Variants in METTL15 observed in about 807,000 individuals in gnomAD.
The protein encoded by METTL15 is methyltransferase 15, mitochondrial 12S rRNA N4-cytidine, also known as 12S rRNA N(4)-cytidine methyltransferase METTL15.
METTL15 carries 34 observed loss-of-function variants against 38.3 expected under a neutral mutation model. The ratio of observed to expected loss-of-function variants is 0.89; its 90% CI spans 0.68 to 1.18. The LOEUF (loss-of-function observed/expected upper bound fraction) is 1.18. Among genes scored for constraint, METTL15 ranks in the 50% most tolerant of loss-of-function variants. The pLI, the probability that METTL15 is intolerant of heterozygous loss-of-function variation, is 0.00. For missense variants in METTL15, 438 were observed against 498.4 expected, an observed-to-expected ratio of 0.88 and a Z score of 1.15; for synonymous variants, 162 against 170.9, an observed-to-expected ratio of 0.95 and a Z score of 0.41.
chr11:28,474,428 A>G (rs1295078865), intron 6 of METTL15, among the ~76,000 whole-genome samples: 3 of 152,158 alleles, frequency 2.0e-5, no homozygotes, highest in Non-Finnish European at 2.9e-5. Flanking sequence ...TCAAAATGCT[A>G]TAGAAGTAAA....
At chr11:28,479,024 C>G (rs957110770) in intron 6 of METTL15, among the ~76,000 whole-genome samples, 1 of 150,216 alleles carries the variant, frequency 6.7e-6, no homozygotes, top group African/African-American at 2.5e-5. Context: ...TAAACTTGTA[C>G]TTTGAAAACT....
intron 6 of METTL15, among the ~76,000 whole-genome samples, chr11:28,318,368 T>C (rs1359484032): frequency 1.3e-5 from 2 of 151,112 alleles, no homozygotes; most frequent in East Asian, 3.9e-4. Context: ...TTTGATTTTA[T>C]ATATATATAT....
chr11:28,197,686 ACATATGTG>A (rs1372361601), intron 3 of METTL15: 1 of 278,878 alleles, frequency 3.6e-6, no homozygotes, highest in Admixed American at 4.1e-5. Context: ...TGCAATATGC[ACATATGTG>A]CATATATGTA....
intron 4 of METTL15, among the ~76,000 whole-genome samples, chr11:28,218,239 C>A (rs531305699): frequency 1.3e-4 from 20 of 152,036 alleles, no homozygotes; most frequent in African/African-American, 4.6e-4. Context: ...TTCCTTGAGC[C>A]GTGGTTTGTA....
chr11:28,238,473 G>T (rs894794056), intron 4 of METTL15, among the ~76,000 whole-genome samples: 1 of 152,148 alleles, frequency 6.6e-6, no homozygotes, highest in Admixed American at 6.5e-5. Context: ...CGCAGTATTC[G>T]GGTGGGAATG....
At chr11:28,273,197 A>C (rs1855713770) in intron 4 of METTL15, among the ~76,000 whole-genome samples, 1 of 152,166 alleles carries the variant, frequency 6.6e-6, no homozygotes, top group African/African-American at 2.4e-5. Flanking sequence ...GACACATAGA[A>C]GTATTCAGAA....
At chr11:28,526,756 A>G (rs1851815249) in exon 8 of METTL15, 1 of 152,230 alleles carries the variant, frequency 6.6e-6, no homozygotes, top group South Asian at 2.1e-4. Flanking sequence ...TATTTAAGCC[A>G]TTCGGTCTGT....
intron 6 of METTL15, among the ~76,000 whole-genome samples, chr11:28,478,986 A>AGGCG (rs1238346767): frequency 6.6e-6 from 1 of 152,008 alleles, no homozygotes; most frequent in Non-Finnish European, 1.5e-5. Context: ...TGTATTTGGC[A>AGGCG]GGCGTTCTTA....
chr11:28,251,564 A>G (rs1372858546), intron 4 of METTL15, among the ~76,000 whole-genome samples: 1 of 152,042 alleles, frequency 6.6e-6, no homozygotes. Context: ...ACAAAGCCCC[A>G]TTTGTCACAT....
At position 28,331,888 on chromosome 11, in the gene METTL15, T is replaced by TCC. The variant is rs1849826816; in HGVS notation, c.*1047_*1048insCC. 4 of 152,150 alleles carry TCC rather than the reference T, an allele frequency of 2.6e-5. No individual in the cohort carries two copies. Among genetic ancestry groups the TCC allele is most frequent in the Non-Finnish European group, 5.9e-5 (4 of 67,984 alleles). The allele number at this position is 152,150 out of a possible 1,614,324, so 9.4% of individuals were successfully genotyped here. The stretch of plus-strand genomic sequence containing the variant: ...ATAATTAGTCAAAGGGCACATGGAG[T>TCC]ATGGAAGGGGGCATGTTGATTAACC... On this transcript the variant is annotated 3_prime_UTR_variant, in exon 7 of 7. Coordinates refer to ENST00000407364, the MANE Select transcript of METTL15 (RefSeq NM_001113528.2).
intron 4 of METTL15, among the ~76,000 whole-genome samples, chr11:28,232,350 A>G (rs1444810673): frequency 5.3e-5 from 8 of 151,836 alleles, no homozygotes; most frequent in African/African-American, 1.9e-4. Flanking sequence ...GGAATTATAT[A>G]TATTATCACT....
At chr11:28,138,999 A>G (rs1411444354) in intron 3 of METTL15, among the ~76,000 whole-genome samples, 4 of 152,164 alleles carry the variant, frequency 2.6e-5, no homozygotes, top group Non-Finnish European at 4.4e-5. Context: ...AGAGGACACA[A>G]ACAGTAATTT....
At position 28,282,223 on chromosome 11, in the gene METTL15, T is replaced by C. The variant is rs1278036204; in HGVS notation, c.408-7983T>C. On this transcript the variant is annotated intron_variant, in intron 4 of 6. Transcript: ENST00000407364. ...CAGACCCCTGTGCCACAGACTCCTA[T>C]TTGGTCTCTACCCAGATTTGTATTT... Among the ~76,000 whole-genome samples the C allele has an allele frequency of 2.6e-5, 4 of 152,186 alleles. No homozygotes were observed. The East Asian group carries it at 7.7e-4, about 29-fold the overall frequency.
chr11:28,290,526 A>C, intron 5 of METTL15, 129 bp downstream of exon 5: 1 of 800,932 alleles, frequency 1.2e-6, no homozygotes, highest in Non-Finnish European at 2.0e-6. Context: ...ATACATAATA[A>C]ATCAGTTTGT....
chr11:28,288,861 C>T (rs891933558), intron 4 of METTL15, among the ~76,000 whole-genome samples: 5 of 151,980 alleles, frequency 3.3e-5, no homozygotes, highest in African/African-American at 7.2e-5. Flanking sequence ...TTCATCTGGC[C>T]AGTGTTGGGC....
intron 3 of METTL15, among the ~76,000 whole-genome samples, chr11:28,162,842 A>G (rs1361053840): frequency 6.6e-6 from 1 of 152,130 alleles, no homozygotes; most frequent in Non-Finnish European, 1.5e-5. Context: ...TTGTCTGGGT[A>G]TTCAAGGTAT....
intron 3 of METTL15, among the ~76,000 whole-genome samples, chr11:28,155,495 G>A (rs1271058977): frequency 6.6e-6 from 1 of 152,218 alleles, no homozygotes; most frequent in East Asian, 1.9e-4. Context: ...AGAATTCACT[G>A]TCTTTTCCTT....
At chr11:28,347,847 T>C (rs1029641168) in intron 3 of METTL15, among the ~76,000 whole-genome samples, 2 of 152,246 alleles carry the variant, frequency 1.3e-5, no homozygotes, top group African/African-American at 2.4e-5. Context: ...TTAGTAAGCC[T>C]TTCCTAACAT....
chr11:28,310,609 C>G (rs1409139004), intron 6 of METTL15, among the ~76,000 whole-genome samples: 2 of 152,090 alleles, frequency 1.3e-5, no homozygotes, highest in Non-Finnish European at 2.9e-5. Flanking sequence ...TTTACTTGCT[C>G]AAAACATGCA....
Sources: allele counts gnomAD v4.1 joint callset (sites outside exome capture counted in the v4.1 genomes callset), GRCh38; gene constraint gnomAD v4.1.1; transcripts MANE v1.5; gene names NCBI Gene and HGNC (gene_info 2026-07-23, HGNC 2026-07-21).